The following NTM variants were observed in gnomAD, a reference collection of about 807,000 sequenced individuals.
The protein encoded by NTM is neurotrimin.
A neutral mutation model predicts 42.1 loss-of-function variants in NTM; 13 were observed. That is an observed-to-expected ratio of 0.31 (90% confidence interval 0.20 to 0.49). The LOEUF (loss-of-function observed/expected upper bound fraction) is 0.49, where lower values mean the gene tolerates loss of function less well. NTM is among the 20% of genes least tolerant of loss of function. The pLI, the probability that NTM is intolerant of heterozygous loss-of-function variation, is 0.99. For synonymous variants in NTM, 187 were observed against 179.2 expected, an observed-to-expected ratio of 1.04 and a Z score of -0.35; for missense variants, 373 against 452.8, an observed-to-expected ratio of 0.82 and a Z score of 1.60.
intron 1 of NTM, among the ~76,000 whole-genome samples, chr11:131,570,212 C>T (rs2057320868): frequency 6.6e-6 from 1 of 152,312 alleles, no homozygotes; most frequent in East Asian, 1.9e-4. Flanking sequence ...GCTTCAGAGG[C>T]CTTCATTCAG....
intron 1 of NTM, among the ~76,000 whole-genome samples, chr11:131,557,386 G>C (rs75830954): frequency 6.6e-6 from 1 of 152,130 alleles, no homozygotes; most frequent in African/African-American, 2.4e-5. Context: ...TGTACTTCAA[G>C]CTCCTCCTGT....
intron 1 of NTM, among the ~76,000 whole-genome samples, chr11:131,523,449 T>C (rs2050018222): frequency 6.6e-6 from 1 of 152,154 alleles, no homozygotes; most frequent in African/African-American, 2.4e-5. Flanking sequence ...GGCAGTAATG[T>C]AGAAGTGTTG....
chr11:132,177,520 C>A (rs918852097), intron 3 of NTM, among the ~76,000 whole-genome samples: 1 of 152,212 alleles, frequency 6.6e-6, no homozygotes, highest in Non-Finnish European at 1.5e-5. Context: ...TTATTACCTT[C>A]ACTTTGCTAA....
At chr11:131,923,555 T>G (rs587605) in intron 2 of NTM, among the ~76,000 whole-genome samples, 40,925 of 150,942 alleles carry the variant, frequency 0.27, 6,673 homozygotes, top group East Asian at 0.72. Context: ...TGTGACACAC[T>G]TCATAAAATC....
chr11:131,851,403 A>C (rs573831153), intron 1 of NTM, among the ~76,000 whole-genome samples: 1 of 152,128 alleles, frequency 6.6e-6, no homozygotes, highest in African/African-American at 2.4e-5. Context: ...AATAGAAAAA[A>C]ATATTTTAAT....
chr11:132,327,284 A>G (rs532696452), intron 7 of NTM, among the ~76,000 whole-genome samples: 1 of 152,326 alleles, frequency 6.6e-6, no homozygotes, highest in East Asian at 1.9e-4. Flanking sequence ...ATTAAGTCAG[A>G]TTTGATGGTA....
At chr11:131,634,648 G>A (rs10894427) in intron 1 of NTM, among the ~76,000 whole-genome samples, 121,622 of 149,658 alleles carry the variant, frequency 0.81, 49,575 homozygotes, top group Non-Finnish European at 0.85. Context: ...CTAGAAAAAA[G>A]AAAAAAGAGT....
At chr11:132,287,638 G>A (rs2094297012) in intron 4 of NTM, among the ~76,000 whole-genome samples, 1 of 152,162 alleles carries the variant, frequency 6.6e-6, no homozygotes, top group Non-Finnish European at 1.5e-5. Context: ...ATGAATCAGG[G>A]ACTTTTGACT....
At chr11:131,497,900 C>A (rs1366496263) in intron 1 of NTM, among the ~76,000 whole-genome samples, 1 of 152,170 alleles carries the variant, frequency 6.6e-6, no homozygotes, top group Non-Finnish European at 1.5e-5. Context: ...AAACTACTCA[C>A]CTCGCCACTC....
chr11:131,455,074 G>A (rs1306235290), intron 1 of NTM, among the ~76,000 whole-genome samples: 4 of 152,194 alleles, frequency 2.6e-5, no homozygotes, highest in East Asian at 1.9e-4. Context: ...TGTGCGTGCT[G>A]TTCAACGCAA....
intron 1 of NTM, among the ~76,000 whole-genome samples, chr11:131,450,775 T>A (rs538259419): frequency 6.6e-6 from 1 of 152,358 alleles, no homozygotes; most frequent in African/African-American, 2.4e-5. Flanking sequence ...CTAAAATATC[T>A]GTGCTGGGCT....
In NTM at chr11:131,628,017, C is replaced by T. The variant is rs138613299; in HGVS notation, c.82+257129C>T. Among the ~76,000 whole-genome samples, 14 of 152,216 alleles carry T rather than the reference C, an allele frequency of 9.2e-5. No individual in the cohort carries two copies. In the East Asian group the frequency reaches 2.5e-3, roughly 27 times the overall value. ...CTCTGACAGTGTATGCCCTAAGTCC[C>T]CTGCAACTTAAATGTCTATGGTAAT... On this transcript the variant is annotated intron_variant, in intron 1 of 8. Transcript: ENST00000683400.
intron 4 of NTM, among the ~76,000 whole-genome samples, chr11:132,238,945 C>T (rs1380507344): frequency 6.6e-6 from 1 of 152,184 alleles, no homozygotes; most frequent in African/African-American, 2.4e-5. Context: ...AGATCATGCT[C>T]CATGCAGTCT....
intron 1 of NTM, among the ~76,000 whole-genome samples, chr11:131,821,985 T>C (rs974795123): frequency 1.3e-5 from 2 of 152,190 alleles, no homozygotes; most frequent in African/African-American, 4.8e-5. Context: ...GAAATTTTAC[T>C]TTGAGAAGGT....
At chr11:131,651,120 A>AT (rs762778214) in intron 1 of NTM, among the ~76,000 whole-genome samples, 1 of 152,168 alleles carries the variant, frequency 6.6e-6, no homozygotes, top group Non-Finnish European at 1.5e-5. Flanking sequence ...TCTCAAAAGT[A>AT]TTTTTTTAAG....
intron 1 of NTM, among the ~76,000 whole-genome samples, chr11:131,821,893 C>T (rs1318198470): frequency 6.6e-6 from 1 of 152,162 alleles, no homozygotes; most frequent in African/African-American, 2.4e-5. Flanking sequence ...CCCAAAGAGG[C>T]TAGTAAAACT....
intron 1 of NTM, among the ~76,000 whole-genome samples, chr11:131,603,770 T>C (rs1220049569): frequency 2.0e-5 from 3 of 152,234 alleles, no homozygotes; most frequent in African/African-American, 7.2e-5. Flanking sequence ...TGAATATCAA[T>C]GGACTCATAT....
chr11:131,651,803 T>C (rs1036630620), intron 1 of NTM, among the ~76,000 whole-genome samples: 2 of 151,612 alleles, frequency 1.3e-5, no homozygotes, highest in African/African-American at 4.9e-5. Flanking sequence ...ATCACGCCAC[T>C]ACGCTACAGT....
At chr11:132,317,587 A>C (rs1206446746) in intron 7 of NTM, 1 of 889,718 alleles carries the variant, frequency 1.1e-6, no homozygotes, top group African/African-American at 1.7e-5. Flanking sequence ...TGACAAATAT[A>C]TAGCACTGTA....
Sources: allele counts gnomAD v4.1 joint callset (sites outside exome capture counted in the v4.1 genomes callset), GRCh38; gene constraint gnomAD v4.1.1; transcripts MANE v1.5; gene names NCBI Gene and HGNC (gene_info 2026-07-23, HGNC 2026-07-21).